Variants in EPB41 observed in about 807,000 individuals in gnomAD.
EPB41 encodes the protein protein 4.1.
A neutral mutation model predicts 108.0 loss-of-function variants in EPB41; 65 were observed. The ratio of observed to expected loss-of-function variants is 0.60; its 90% CI spans 0.49 to 0.74. EPB41 has a LOEUF of 0.74. Ranked by LOEUF, EPB41 falls within the 30% of genes least tolerant of loss-of-function variation. The probability of loss-of-function intolerance (pLI) is 0.00; values close to 1 mark genes in which losing one functional copy is unlikely to be tolerated. For missense variants in EPB41, 875 were observed against 1,037.0 expected, an observed-to-expected ratio of 0.84 and a Z score of 2.15; for synonymous variants, 336 against 358.9, an observed-to-expected ratio of 0.94 and a Z score of 0.72.
intron 1 of EPB41, among the ~76,000 whole-genome samples, chr1:28,888,804 T>G (rs1189999772): frequency 6.6e-6 from 1 of 151,650 alleles, no homozygotes; most frequent in Non-Finnish European, 1.5e-5. Context: ...ATTTTTTGTA[T>G]TTTTAGTAGA....
At chr1:28,924,062 C>T (rs568074971) in intron 1 of EPB41, among the ~76,000 whole-genome samples, 42 of 152,322 alleles carry the variant, frequency 2.8e-4, no homozygotes, top group African/African-American at 9.4e-4. Flanking sequence ...CACTAGCTAC[C>T]ATATCCTGAG....
chr1:29,109,155 G>A (rs557326259), intron 17 of EPB41, among the ~76,000 whole-genome samples, 181 bp from the exon 18 acceptor site: 4 of 151,362 alleles, frequency 2.6e-5, no homozygotes, highest in Non-Finnish European at 4.4e-5. Context: ...CTGAGATCAC[G>A]CCACTGCATT....
At chr1:29,036,977 G>A (rs1296537827) in intron 10 of EPB41, among the ~76,000 whole-genome samples, 2 of 151,970 alleles carry the variant, frequency 1.3e-5, no homozygotes, top group African/African-American at 2.4e-5. Flanking sequence ...ACCGTGCCTG[G>A]CCAACCTTGA....
Position 29,117,207 on chromosome 1 carries a change from T to G in EPB41, c.*395T>G, listed in dbSNP as rs1356880694. 1 of 152,532 alleles carries G rather than the reference T, an allele frequency of 6.6e-6. No individual in the cohort carries two copies. Among genetic ancestry groups the G allele is most frequent in the African/African-American group, 2.4e-5 (1 of 41,430 alleles). The allele number at this position is 152,532 out of a possible 1,614,324, so 9.4% of individuals were successfully genotyped here. On this transcript the variant is annotated 3_prime_UTR_variant, in exon 21 of 21. Coordinates refer to ENST00000343067, the MANE Select transcript of EPB41 (RefSeq NM_001376013.1). ...CTCCAAGGACTCTTGTCAGCTGTGT[T>G]GGAAGCCAAAGCCAGCTTAGTGGGA...
chr1:28,928,441 C>G (rs1047348838), intron 1 of EPB41, among the ~76,000 whole-genome samples: 3 of 152,192 alleles, frequency 2.0e-5, no homozygotes, highest in African/African-American at 4.8e-5. Flanking sequence ...CACGGAATAT[C>G]TAATTACCAT....
chr1:28,917,408 G>A (rs1482678176), intron 1 of EPB41, among the ~76,000 whole-genome samples: 3 of 152,120 alleles, frequency 2.0e-5, no homozygotes, highest in Non-Finnish European at 4.4e-5. Context: ...AGGCTCCCAA[G>A]TAGCTGGGAT....
In EPB41 at chr1:28,980,781, T is replaced by A. The variant is rs145341284; in HGVS notation, c.-7-6650T>A. ...CTGCATTGGCATTCCTTCCAGCTGA[T>A]GATATTCCAGGAGTTTTTTTTTTTT... is the stretch of plus-strand genomic sequence containing the variant. On this transcript the variant is annotated intron_variant, in intron 1 of 20. Coordinates refer to ENST00000343067, the MANE Select transcript of EPB41 (RefSeq NM_001376013.1). 1.1e-3 allele frequency among the ~76,000 whole-genome samples: 166 copies of A among 150,516 alleles called. 2 individuals are homozygous for A. Among genetic ancestry groups the A allele is most frequent in the Middle Eastern group, 0.01 (3 of 288 alleles).
chr1:28,982,336 A>G (rs946565800), intron 1 of EPB41: 14 of 654,910 alleles, frequency 2.1e-5, no homozygotes, highest in South Asian at 4.2e-5. Flanking sequence ...TCTCTTTTCA[A>G]ACTTGACCTT....
At position 28,949,587 on chromosome 1, in the gene EPB41, G is replaced by GTTAT. The variant is rs1002444507; in HGVS notation, c.-8+34838_-8+34841dup. Reference sequence around the variant, plus strand: ...TCTGCTATTTCCTTTTTTCCACTCTGTTATTTATTTATTTATTTATTTTTA... The same window carrying GTTAT: ...TCTGCTATTTCCTTTTTTCCACTCTGTTATTTATTTATTTATTTATTTATTTTTA... On this transcript the variant is annotated intron_variant, in intron 1 of 20. Coordinates refer to ENST00000343067, the MANE Select transcript of EPB41 (RefSeq NM_001376013.1). Among the ~76,000 whole-genome samples the GTTAT allele has an allele frequency of 1.0e-3, 155 of 151,592 alleles. 2 individuals carry two copies. In the South Asian group the frequency reaches 0.011, roughly 11 times the overall value.
At chr1:28,996,909 G>C (rs2096191743) in intron 3 of EPB41, among the ~76,000 whole-genome samples, 1 of 151,732 alleles carries the variant, frequency 6.6e-6, no homozygotes, top group Admixed American at 6.6e-5. Flanking sequence ...CTGAGGCGGG[G>C]GAATCACTTG....
chr1:28,948,643 T>C (rs953122014), intron 1 of EPB41, among the ~76,000 whole-genome samples: 2 of 151,954 alleles, frequency 1.3e-5, no homozygotes, highest in African/African-American at 4.8e-5. Flanking sequence ...TTGTGTGATA[T>C]TTGATTCATT....
chr1:28,912,039 C>T (rs1022449950), upstream of EPB41, among the ~76,000 whole-genome samples: 1 of 152,020 alleles, frequency 6.6e-6, no homozygotes, highest in Non-Finnish European at 1.5e-5. Flanking sequence ...AGAGCGAAAC[C>T]CCTTCTCAAA....
Position 29,112,458 on chromosome 1 carries a change from T to C in EPB41, c.2496+10T>C. On this transcript the variant is annotated intron_variant, in intron 19 of 20. Transcript: ENST00000343067. ...TATTGACCATGATCAGGTGGGAATG[T>C]TGAAGAGATCTGGGCCTGGGAGGGG... 1 of 1,612,342 alleles carries C rather than the reference T, an allele frequency of 6.2e-7. No individual in the cohort carries two copies. The highest frequency in any genetic ancestry group is 8.5e-7 in the Non-Finnish European group (1 of 1,178,470).
Position 29,035,941 on chromosome 1 carries a change from G to C in EPB41, c.1463+18G>C, listed in dbSNP as rs771048493. The C allele has an allele frequency of 1.2e-5, 18 of 1,559,366 alleles. No homozygotes were observed. The South Asian group carries it at 2.0e-4, about 17-fold the overall frequency. ...TTTTTCAGGTATTATTCTCACTTAA[G>C]TATTTTTCAAGGATAAATTATTTAT... is the stretch of plus-strand genomic sequence containing the variant. On this transcript the variant is annotated intron_variant, in intron 10 of 20. Transcript: ENST00000343067.
At chr1:28,966,142 C>T (rs780249618) in intron 1 of EPB41, among the ~76,000 whole-genome samples, 24 of 151,178 alleles carry the variant, frequency 1.6e-4, no homozygotes, top group Non-Finnish European at 2.8e-4. Context: ...GCTGAGATCG[C>T]GCCTTTGCAT....
At chr1:29,082,183 G>A (rs1376795693) in intron 16 of EPB41, among the ~76,000 whole-genome samples, 3 of 152,168 alleles carry the variant, frequency 2.0e-5, no homozygotes, top group Non-Finnish European at 4.4e-5. Context: ...GGAGTGCAGT[G>A]GTGTGATCTC....
At chr1:28,900,624 T>A (rs930616124) in intron 1 of EPB41, among the ~76,000 whole-genome samples, 5 of 152,074 alleles carry the variant, frequency 3.3e-5, no homozygotes, top group African/African-American at 1.2e-4. Flanking sequence ...CTCATGCCTT[T>A]GTTTGTAAAA....
intron 13 of EPB41, 23 bp from the exon 14 acceptor site, chr1:29,058,788 T>G (rs564231413): frequency 6.5e-7 from 1 of 1,539,708 alleles, no homozygotes; most frequent in East Asian, 2.4e-5. Context: ...TTTTTCTTTC[T>G]TTTTTAAATT....
At position 29,109,724 on chromosome 1, in the gene EPB41, T is replaced by C. The variant is rs1668511056; in HGVS notation, c.2415+287T>C. 13 of 444,418 alleles carry C rather than the reference T, an allele frequency of 2.9e-5. No homozygotes were observed. In the Admixed American group the frequency reaches 4.5e-4, roughly 15 times the overall value. 27.5% of individuals were successfully genotyped at this position (444,418 alleles called of 1,614,324 possible). On this transcript the variant is annotated intron_variant, in intron 18 of 20. Transcript: ENST00000343067. ...CTGGTCAGTGAGTCCCCTGTCTGGCTGTGGAAGTAAGTTTAAAAAGTCAGC... is the reference window on the plus strand; with the variant it reads ...CTGGTCAGTGAGTCCCCTGTCTGGCCGTGGAAGTAAGTTTAAAAAGTCAGC...
Sources: gnomAD v4.1 joint callset for allele counts (sites outside exome capture counted in the v4.1 genomes callset) on GRCh38, gnomAD v4.1.1 for gene constraint, MANE v1.5 for transcripts, NCBI Gene and HGNC (gene_info 2026-07-23, HGNC 2026-07-21) for gene names.